XRCC4: variants seen among roughly 807,000 people sequenced by gnomAD.
The protein encoded by XRCC4 is X-ray repair cross complementing 4.
Under a neutral mutation model 39.1 loss-of-function variants are expected in XRCC4, and 28 were observed. That is an observed-to-expected ratio of 0.72 (90% CI 0.53 to 0.98). XRCC4 has a LOEUF of 0.98. XRCC4 is among the 50% of genes least tolerant of loss of function. The pLI, the probability that XRCC4 is intolerant of heterozygous loss-of-function variation, is 0.00. For missense variants in XRCC4, 350 were observed against 376.4 expected (o/e 0.93, Z 0.58); for synonymous variants, 123 against 126.4 (o/e 0.97, Z 0.18).
At chr5:83,196,654 A>G (rs1561396999) in intron 4 of XRCC4, among the ~76,000 whole-genome samples, 2 of 151,700 alleles carry the variant, frequency 1.3e-5, no homozygotes, top group African/African-American at 4.8e-5. Context: ...TAATATATAT[A>G]TGTGTGTGTG....
At chr5:83,253,846 G>A (rs890422194) in intron 6 of XRCC4, among the ~76,000 whole-genome samples, 1 of 152,002 alleles carries the variant, frequency 6.6e-6, no homozygotes, top group African/African-American at 2.4e-5. Flanking sequence ...GAGTACCCAG[G>A]GAAGCTAACT....
At chr5:83,366,558 C>G in the XRCC4 span, among the ~76,000 whole-genome samples, 1 of 152,168 alleles carries the variant, frequency 6.6e-6, no homozygotes, top group Admixed American at 6.6e-5. Context: ...TCCTTCTCTG[C>G]TCAAAGCTTT....
intron 5 of XRCC4, 124 bp from the exon 6 acceptor site, chr5:83,204,673 ATCTAAATCATATATATTT>A: frequency 5.6e-6 from 3 of 531,754 alleles, no homozygotes; most frequent in Non-Finnish European, 9.6e-6. Context: ...AGATGCTTTC[ATCTAAATCATATATATTT>A]TCAATATGTT....
intron 1 of XRCC4, among the ~76,000 whole-genome samples, chr5:83,103,325 C>T (rs1746042483): frequency 6.6e-6 from 1 of 151,960 alleles, no homozygotes; most frequent in African/African-American, 2.4e-5. Context: ...AGATCTGACT[C>T]CCTTCTAACT....
intron 3 of XRCC4, among the ~76,000 whole-genome samples, chr5:83,186,529 G>A (rs1401714729): frequency 6.6e-6 from 1 of 152,048 alleles, no homozygotes; most frequent in Non-Finnish European, 1.5e-5. Flanking sequence ...GGGCCCACCT[G>A]GCTAATTCAT....
chr5:83,315,227 C>T (rs1189774212), intron 7 of XRCC4, among the ~76,000 whole-genome samples: 1 of 152,104 alleles, frequency 6.6e-6, no homozygotes, highest in African/African-American at 2.4e-5. Flanking sequence ...AAGGCCCTAA[C>T]TCTCATCAAT....
intron 7 of XRCC4, among the ~76,000 whole-genome samples, chr5:83,263,392 C>T (rs1310922552): frequency 6.1e-4 from 92 of 151,656 alleles, no homozygotes; most frequent in African/African-American, 2.0e-3. Context: ...ATGGTATTTC[C>T]AGTTCTAGAT....
chr5:83,086,396 T>C (rs1296851303), intron 1 of XRCC4, among the ~76,000 whole-genome samples: 1 of 152,258 alleles, frequency 6.6e-6, no homozygotes, highest in Non-Finnish European at 1.5e-5. Flanking sequence ...TTGTGTGTTA[T>C]ATGCATTATG....
the XRCC4 span, among the ~76,000 whole-genome samples, chr5:83,369,124 C>T: frequency 3.2e-3 from 489 of 152,116 alleles, 3 homozygotes; most frequent in African/African-American, 0.011. Context: ...TTCAAGATTC[C>T]TTTTTACATA....
At chr5:83,338,907 A>T (rs1756671209) in intron 7 of XRCC4, among the ~76,000 whole-genome samples, 1 of 152,196 alleles carries the variant, frequency 6.6e-6, no homozygotes, top group South Asian at 2.1e-4. Context: ...AGTGTGATAA[A>T]TAAAAGTTCA....
intron 7 of XRCC4, among the ~76,000 whole-genome samples, chr5:83,286,347 A>G (rs768088803): frequency 2.0e-4 from 31 of 152,116 alleles, no homozygotes; most frequent in Non-Finnish European, 3.8e-4. Context: ...GCTCTCTGAT[A>G]CAATTTTCCA....
chr5:83,196,635 C>T (rs1038916858), intron 4 of XRCC4, among the ~76,000 whole-genome samples: 18 of 151,404 alleles, frequency 1.2e-4, no homozygotes, highest in Admixed American at 9.9e-4. Flanking sequence ...ACACTTGTAT[C>T]CTCACTTATA....
At position 83,203,853 on chromosome 5, in the gene XRCC4, G is replaced by C. The variant is rs867116553; in HGVS notation, c.638+146G>C. On this transcript the variant is annotated intron_variant, in intron 5 of 7. Coordinates refer to ENST00000396027, the MANE Select transcript of XRCC4 (RefSeq NM_003401.5). ...TGTGGATGTTCAGGCTGTTAGATAG[G>C]GGTACCATGGGCTAGAGAGTTCTCA... is the stretch of plus-strand genomic sequence containing the variant. 1.3e-4 allele frequency: 116 copies of C among 903,414 alleles called. 1 individual carries two copies. The Middle Eastern group carries it at 4.1e-3, about 32-fold the overall frequency. The allele number at this position is 903,414 out of a possible 1,614,324, so 56.0% of individuals were successfully genotyped here.
chr5:83,303,729 A>C (rs749926899), intron 7 of XRCC4, among the ~76,000 whole-genome samples: 5 of 152,220 alleles, frequency 3.3e-5, no homozygotes, highest in Admixed American at 2.0e-4. Flanking sequence ...AGCACCACAT[A>C]GACTACTTAT....
chr5:83,278,920 G>A lies in XRCC4; in HGVS notation c.893+20243G>A, dbSNP rs570391527. Among the ~76,000 whole-genome samples the A allele has an allele frequency of 1.0e-4, 15 of 149,270 alleles. No homozygotes were observed. In the East Asian group the frequency reaches 2.4e-3, roughly 23 times the overall value. On this transcript the variant is annotated intron_variant, in intron 7 of 7. Coordinates refer to ENST00000396027, the MANE Select transcript of XRCC4 (RefSeq NM_003401.5). ...GGAGAATTGCTTGAACCGAGGAGGCGGAGGTTGCAGTGAGCCGAGATCGTG... is the reference window on the plus strand; with the variant it reads ...GGAGAATTGCTTGAACCGAGGAGGCAGAGGTTGCAGTGAGCCGAGATCGTG...
At chr5:83,160,126 T>G (rs1392521437) in intron 3 of XRCC4, among the ~76,000 whole-genome samples, 1 of 152,170 alleles carries the variant, frequency 6.6e-6, no homozygotes, top group Non-Finnish European at 1.5e-5. Flanking sequence ...TCTTCCAAAT[T>G]TTGTCCTTTT....
the XRCC4 span, among the ~76,000 whole-genome samples, chr5:83,361,167 G>C: frequency 1.3e-5 from 2 of 152,224 alleles, no homozygotes; most frequent in Non-Finnish European, 2.9e-5. Flanking sequence ...CACAGTACCT[G>C]GTGCACAGTA....
intron 3 of XRCC4, among the ~76,000 whole-genome samples, chr5:83,184,066 A>T (rs879674100): frequency 1.8e-3 from 267 of 152,236 alleles, no homozygotes; most frequent in Non-Finnish European, 4.6e-4. Flanking sequence ...GTTTAAAAAA[A>T]TTTTTAATAA....
At chr5:83,307,302 G>C (rs1755525110) in intron 7 of XRCC4, among the ~76,000 whole-genome samples, 1 of 152,122 alleles carries the variant, frequency 6.6e-6, no homozygotes, top group Non-Finnish European at 1.5e-5. Flanking sequence ...ATAGAGAATA[G>C]GTAATATTTC....
Sources: gnomAD v4.1 joint callset for allele counts (sites outside exome capture counted in the v4.1 genomes callset) on GRCh38, gnomAD v4.1.1 for gene constraint, MANE v1.5 for transcripts, NCBI Gene and HGNC (gene_info 2026-07-23, HGNC 2026-07-21) for gene names.